The following COL4A1 variants were observed in gnomAD, a reference collection of about 807,000 sequenced individuals.
The protein encoded by COL4A1 is collagen alpha-1(IV) chain.
Under a neutral mutation model 216.6 loss-of-function variants are expected in COL4A1, and 40 were observed. The observed-to-expected ratio is 0.18, with a 90% CI of 0.14 to 0.24. The LOEUF is 0.24. Ranked by LOEUF, COL4A1 falls within the 10% of genes least tolerant of loss-of-function variation. The pLI is 1.00. For synonymous variants in COL4A1, 839 were observed against 810.7 expected (o/e 1.03, Z -0.59); for missense variants, 1,628 against 2,196.8 (o/e 0.74, Z 5.18).
intron 18 of COL4A1, chr13:110,201,793 T>C (rs1179570002): frequency 6.7e-6 from 4 of 599,680 alleles, no homozygotes; most frequent in Admixed American, 5.7e-5. Flanking sequence ...ACCAGCCTGG[T>C]CAATATGGTG....
At chr13:110,285,923 T>C (rs183850960) in intron 1 of COL4A1, among the ~76,000 whole-genome samples, 1 of 152,290 alleles carries the variant, frequency 6.6e-6, no homozygotes, top group East Asian at 1.9e-4. Flanking sequence ...GAAAACTGAC[T>C]CAGAGCTACT....
rs146987111 is a variant in COL4A1, at chr13:110,235,376, C to T, written c.144+7299G>A. ...GCAATAAAAGAAAGAAGATGCCGGG[C>T]GCAGTGGCTCACGCCTGTAATCCCA... is the stretch of plus-strand genomic sequence containing the variant. On this transcript the variant is annotated intron_variant, in intron 2 of 51. Transcript: ENST00000375820. Among the ~76,000 whole-genome samples the T allele has an allele frequency of 5.0e-4, 76 of 152,220 alleles. 1 individual carries two copies. Among genetic ancestry groups the T allele is most frequent in the Admixed American group, 1.0e-3 (16 of 15,282 alleles).
At chr13:110,153,352 G>A (rs1208109874) in intron 50 of COL4A1, among the ~76,000 whole-genome samples, 1 of 152,224 alleles carries the variant, frequency 6.6e-6, no homozygotes, top group Admixed American at 6.5e-5. Context: ...CAGAGGAGGT[G>A]CTGGAAGACA....
At chr13:110,253,283 GTATTACATATACATA>G (rs1882281589) in intron 1 of COL4A1, among the ~76,000 whole-genome samples, 1 of 118,426 alleles carries the variant, frequency 8.4e-6, no homozygotes, top group African/African-American at 3.2e-5. Flanking sequence ...ATAATTATAT[GTATTACATATACATA>G]TAATTATATG....
At chr13:110,172,629 TG>T in intron 41 of COL4A1, 90 bp downstream of exon 41, 1 of 1,286,218 alleles carries the variant, frequency 7.8e-7, no homozygotes, top group Non-Finnish European at 1.1e-6. Context: ...CCAACAGGCA[TG>T]GGGCTTCATC....
At chr13:110,165,032 A>T in intron 45 of COL4A1, 42 bp from the exon 46 acceptor site, 1 of 1,586,594 alleles carries the variant, frequency 6.3e-7, no homozygotes, top group Non-Finnish European at 8.6e-7. Context: ...CACTGTCCAC[A>T]TACTGGGGCG....
At chr13:110,235,047 C>A (rs7139637) in intron 2 of COL4A1, among the ~76,000 whole-genome samples, 2 of 152,062 alleles carry the variant, frequency 1.3e-5, no homozygotes, top group South Asian at 2.1e-4. Context: ...TATTTCACAC[C>A]TTATAAGTAA....
intron 42 of COL4A1, among the ~76,000 whole-genome samples, chr13:110,170,107 GAGGAAAGAAGGAAGGAAGGAAGGA>G (rs1171652028): frequency 2.9e-4 from 21 of 73,524 alleles, no homozygotes; most frequent in African/African-American, 1.5e-3. Flanking sequence ...GAGAGGAAGG[GAGGAAAGAAGGAAGGAAGGAAGGA>G]AGGAAGGAAG....
intron 9 of COL4A1, 39 bp from the exon 10 acceptor site, chr13:110,210,081 T>C (rs372987322): frequency 1.3e-5 from 21 of 1,613,774 alleles, no homozygotes; most frequent in Non-Finnish European, 1.4e-5. Flanking sequence ...AGATGCGAAC[T>C]GGGAGGGTGA....
chr13:110,281,039 G>C (rs679450), intron 1 of COL4A1, among the ~76,000 whole-genome samples: 59,727 of 151,900 alleles, frequency 0.39, 13,072 homozygotes, highest in East Asian at 0.8. Flanking sequence ...TTAGCCACTC[G>C]AGCATAAAAA....
chr13:110,216,577 G>A (rs1415882982), intron 2 of COL4A1, among the ~76,000 whole-genome samples: 4 of 152,136 alleles, frequency 2.6e-5, no homozygotes, highest in African/African-American at 4.8e-5. Context: ...TGAGACCAGC[G>A]ATGATAAGAT....
intron 2 of COL4A1, among the ~76,000 whole-genome samples, chr13:110,235,926 T>C (rs1881297793): frequency 6.6e-6 from 1 of 152,126 alleles, no homozygotes; most frequent in Non-Finnish European, 1.5e-5. Flanking sequence ...TGGAAATAAA[T>C]ATATTTATAA....
chr13:110,305,980 G>A (rs1008596410), intron 1 of COL4A1: 1 of 152,068 alleles, frequency 6.6e-6, no homozygotes, highest in African/African-American at 2.4e-5. Context: ...ATTTGAGGGA[G>A]AAACTGCAAA....
chr13:110,161,605 C>T (rs996066981), intron 48 of COL4A1, among the ~76,000 whole-genome samples: 2 of 152,210 alleles, frequency 1.3e-5, no homozygotes, highest in Non-Finnish European at 2.9e-5. Flanking sequence ...ACACATGGTT[C>T]GTTATACGAT....
intron 39 of COL4A1, 135 bp downstream of exon 39, chr13:110,174,311 T>G: frequency 1.1e-6 from 1 of 926,090 alleles, no homozygotes; most frequent in Non-Finnish European, 1.7e-6. Flanking sequence ...TAGACTCAGT[T>G]TGCCCATCTG....
chr13:110,209,850 G>A (rs773046432), intron 10 of COL4A1, 130 bp downstream of exon 10: 3 of 1,152,948 alleles, frequency 2.6e-6, no homozygotes, highest in African/African-American at 3.0e-5. Context: ...GAGGGAAGCT[G>A]ATTCCGCCAT....
At position 110,192,884 on chromosome 13, in the gene COL4A1, C is replaced by T; in HGVS notation, c.1411G>A (p.Asp471Asn). ...GQKGESCLIC[D>N]IDGYRGPPGP... ...GGAGGCCCCCGATATCCGTCTATAT[C>T]ACAGATGAGGCAACTCTCTCCTTTT... The change falls in exon 23 of 52, where the codon GAT (aspartate) becomes AAT (asparagine). Residue 471 changes from aspartate to asparagine, a missense_variant. Coordinates refer to ENST00000375820, the MANE Select transcript of COL4A1 (RefSeq NM_001845.6). The T allele has an allele frequency of 1.2e-6, 2 of 1,614,170 alleles. No homozygotes were observed. Among genetic ancestry groups the T allele is most frequent in the Non-Finnish European group, 1.7e-6 (2 of 1,180,010 alleles).
Position 110,155,130 on chromosome 13 carries a change from G to C in COL4A1, c.4755+153C>G, listed in dbSNP as rs142556085. Reference sequence around the variant, plus strand: ...CCAGGCAGGGCAGGCCAGGCTTTGAGGCATGCTTTGGAAGGGGATGGTTGG... The same window carrying C: ...CCAGGCAGGGCAGGCCAGGCTTTGACGCATGCTTTGGAAGGGGATGGTTGG... On this transcript the variant is annotated intron_variant, in intron 50 of 51. Transcript: ENST00000375820. 5.7e-3 allele frequency among the ~76,000 whole-genome samples: 861 copies of C among 152,332 alleles called. 8 individuals carry two copies. Among genetic ancestry groups the C allele is most frequent in the African/African-American group, 0.019 (789 of 41,570 alleles).
chr13:110,245,183 T>C (rs1219778494), intron 1 of COL4A1, among the ~76,000 whole-genome samples: 1 of 151,858 alleles, frequency 6.6e-6, no homozygotes, highest in Non-Finnish European at 1.5e-5. Context: ...CTCTGGGGAG[T>C]GCGCTGGCAT....
Sources: gnomAD v4.1 joint callset for allele counts (sites outside exome capture counted in the v4.1 genomes callset) on GRCh38, gnomAD v4.1.1 for gene constraint, MANE v1.5 for transcripts, NCBI Gene and HGNC (gene_info 2026-07-23, HGNC 2026-07-21) for gene names.